GPHN: variants seen among roughly 807,000 people sequenced by gnomAD.
The protein encoded by GPHN is gephyrin.
GPHN carries 17 observed loss-of-function variants against 95.5 expected under a neutral mutation model. The ratio of observed to expected loss-of-function variants is 0.18; its 90% CI spans 0.12 to 0.27. The LOEUF (loss-of-function observed/expected upper bound fraction) is 0.27. Ranked by LOEUF, GPHN falls within the 10% of genes least tolerant of loss-of-function variation. GPHN has a pLI of 1.00. For synonymous variants in GPHN, 320 were observed against 322.5 expected (o/e 0.99, Z 0.08); for missense variants, 660 against 978.1 (o/e 0.67, Z 4.34).
rs113251636 is a variant in GPHN, at chr14:67,093,276, A to C, written c.1237+4201A>C. On this transcript the variant is annotated intron_variant, in intron 12 of 22. Transcript: ENST00000478722. ...AAAGAACATTTTAAAATTACCCATT[A>C]ACTTACCCCCTGGCCACTATTAGCA... 3.1e-3 allele frequency among the ~76,000 whole-genome samples: 466 copies of C among 152,250 alleles called. 5 individuals are homozygous for C. Among genetic ancestry groups the C allele is most frequent in the African/African-American group, 0.011 (448 of 41,556 alleles).
chr14:67,470,834 G>C, the GPHN span: 1 of 152,664 alleles, frequency 6.6e-6, no homozygotes, highest in South Asian at 2.1e-4. Context: ...AGTGGAGAGA[G>C]GCCCAGGACA....
chr14:67,089,287 A>C (rs113404209), intron 12 of GPHN, among the ~76,000 whole-genome samples: 6 of 151,922 alleles, frequency 3.9e-5, no homozygotes, highest in African/African-American at 1.4e-4. Context: ...ATCTTGATTA[A>C]AACTTTTGAG....
chr14:67,572,613 C>G, the GPHN span, among the ~76,000 whole-genome samples: 64 of 130,762 alleles, frequency 4.9e-4, no homozygotes, highest in African/African-American at 1.6e-3. Flanking sequence ...ATTTATTGAA[C>G]TCTTGGCACC....
At chr14:67,313,773 T>A in the GPHN span, among the ~76,000 whole-genome samples, 1 of 152,162 alleles carries the variant, frequency 6.6e-6, no homozygotes, top group Non-Finnish European at 1.5e-5. Flanking sequence ...TTAACACTTA[T>A]GTATATTTTT....
At chr14:67,200,558 A>G in the GPHN span, 1 of 236,140 alleles carries the variant, frequency 4.2e-6, no homozygotes, top group Non-Finnish European at 8.0e-6. Flanking sequence ...GTTTAAAAAA[A>G]AATGTAAGGA....
chr14:66,513,015 CT>C (rs2058098028), intron 1 of GPHN, among the ~76,000 whole-genome samples: 1 of 151,248 alleles, frequency 6.6e-6, no homozygotes. Context: ...TAATATTGAT[CT>C]ATATGACTTG....
chr14:67,362,084 C>T, the GPHN span, among the ~76,000 whole-genome samples: 1 of 148,140 alleles, frequency 6.8e-6, no homozygotes, highest in Non-Finnish European at 1.5e-5. Flanking sequence ...TGTAGTGGCA[C>T]GATCTCAGCT....
chr14:66,890,798 G>A (rs898046118), intron 5 of GPHN, among the ~76,000 whole-genome samples: 1 of 129,978 alleles, frequency 7.7e-6, no homozygotes, highest in Non-Finnish European at 1.5e-5. Flanking sequence ...GTAGCAGAAT[G>A]GAGGGAAAAA....
Position 66,726,699 on chromosome 14 carries a change from C to G in GPHN, c.143+45514C>G, listed in dbSNP as rs532590668. ...AGTCTGTATTTGCACACAAGTATTA[C>G]AAACAATTTAAAGATACACAGATTG... On this transcript the variant is annotated intron_variant, in intron 2 of 22. Coordinates refer to ENST00000478722, the MANE Select transcript of GPHN (RefSeq NM_020806.5). Among the ~76,000 whole-genome samples the G allele has an allele frequency of 2.7e-4, 41 of 152,192 alleles. 1 individual carries two copies. The South Asian group carries it at 8.5e-3, about 32-fold the overall frequency.
chr14:67,459,392 T>G, the GPHN span, among the ~76,000 whole-genome samples: 1 of 152,334 alleles, frequency 6.6e-6, no homozygotes, highest in African/African-American at 2.4e-5. Context: ...CAAAACCTGA[T>G]GAATCAGGGA....
At chr14:66,776,261 TTC>T (rs1308600625) in intron 2 of GPHN, among the ~76,000 whole-genome samples, 1 of 152,084 alleles carries the variant, frequency 6.6e-6, no homozygotes, top group Non-Finnish European at 1.5e-5. Flanking sequence ...TAACAATATT[TTC>T]TCTGTCAATA....
At chr14:67,149,619 T>TATAGTGAC (rs2081129958) in intron 18 of GPHN, among the ~76,000 whole-genome samples, 1 of 152,246 alleles carries the variant, frequency 6.6e-6, no homozygotes, top group Non-Finnish European at 1.5e-5. Context: ...CTTATAGTTA[T>TATAGTGAC]ACTTCTCTGT....
At chr14:67,135,494 G>T (rs989187114) in intron 17 of GPHN, among the ~76,000 whole-genome samples, 1 of 152,194 alleles carries the variant, frequency 6.6e-6, no homozygotes, top group Non-Finnish European at 1.5e-5. Flanking sequence ...TGTATGGCTT[G>T]AAGAGATATG....
chr14:67,225,226 A>G, the GPHN span: 1 of 1,528,040 alleles, frequency 6.5e-7, no homozygotes, highest in Non-Finnish European at 8.8e-7. Context: ...AAAACAGAAA[A>G]AGACAAAGTT....
At chr14:67,122,446 T>A (rs184203881) in intron 17 of GPHN, 69 bp downstream of exon 17, 30 of 1,341,058 alleles carry the variant, frequency 2.2e-5, no homozygotes. Flanking sequence ...ACTCATTAGG[T>A]GGAGTTGCTG....
chr14:67,068,577 A>G (rs1201017201), intron 11 of GPHN, among the ~76,000 whole-genome samples: 1 of 152,152 alleles, frequency 6.6e-6, no homozygotes, highest in African/African-American at 2.4e-5. Context: ...TTCTATATAC[A>G]ATGGAAAAAC....
the GPHN span, among the ~76,000 whole-genome samples, chr14:67,360,918 C>G: frequency 6.6e-6 from 1 of 152,142 alleles, no homozygotes; most frequent in East Asian, 1.9e-4. Context: ...TGGCCTCTTA[C>G]CTGAGAAACC....
the GPHN span, among the ~76,000 whole-genome samples, chr14:67,552,402 A>G: frequency 8.2e-4 from 125 of 152,370 alleles, no homozygotes; most frequent in African/African-American, 2.8e-3. Context: ...CATTAGTTTT[A>G]GAGAAAAAAG....
chr14:67,393,082 C>T, the GPHN span: 1 of 1,248,074 alleles, frequency 8.0e-7, no homozygotes, highest in East Asian at 2.3e-5. Context: ...CGGTCAAGCA[C>T]ACAGCTGAGC....
Sources: gnomAD v4.1 joint callset for allele counts (sites outside exome capture counted in the v4.1 genomes callset) on GRCh38, gnomAD v4.1.1 for gene constraint, MANE v1.5 for transcripts, NCBI Gene and HGNC (gene_info 2026-07-23, HGNC 2026-07-21) for gene names.